The following VPS53 variants were observed in gnomAD, a reference collection of about 807,000 sequenced individuals.
The protein encoded by VPS53 is vacuolar protein sorting-associated protein 53 homolog.
VPS53 carries 70 observed loss-of-function variants against 107.0 expected under a neutral mutation model. That is an observed-to-expected ratio of 0.65 (90% confidence interval 0.54 to 0.80). The LOEUF (loss-of-function observed/expected upper bound fraction) is 0.80, where lower values mean the gene tolerates loss of function less well. Among genes scored for constraint, VPS53 ranks in the 30% least tolerant of loss-of-function variants. The probability of loss-of-function intolerance (pLI) is 0.00; values close to 1 mark genes in which losing one functional copy is unlikely to be tolerated. For missense variants in VPS53, 917 were observed against 1,049.4 expected (o/e 0.87, Z 1.74); for synonymous variants, 409 against 393.3 (o/e 1.04, Z -0.47).
intron 4 of VPS53, chr17:685,243 C>T (rs1316262835): frequency 6.6e-6 from 1 of 152,148 alleles, no homozygotes; most frequent in African/African-American, 2.4e-5. Flanking sequence ...AGCAAAGGCT[C>T]CCTGCAGTGA....
intron 4 of VPS53, among the ~76,000 whole-genome samples, chr17:695,846 C>T (rs1308349150): frequency 1.3e-5 from 2 of 152,222 alleles, no homozygotes; most frequent in African/African-American, 4.8e-5. Context: ...GCCACCATGC[C>T]TGGCCTTGGA....
chr17:655,947 C>A lies in VPS53; in HGVS notation c.379G>T (p.Glu127Ter). ...AATTGCTTAATATCACGGGTGATTTCTTTCACCTAAACATTGAAAAACCAC... is the reference window on the plus strand; with the variant it reads ...AATTGCTTAATATCACGGGTGATTTATTTCACCTAAACATTGAAAAACCAC... ...KAEKSEQMVK[E>*]ITRDIKQLDH... Residue 127 changes from glutamate to a stop codon, truncating the protein, a stop_gained, in exon 6 of 22, where the codon GAA becomes TAA. Coordinates refer to ENST00000437048, the MANE Select transcript of VPS53 (RefSeq NM_001128159.3). LOFTEE classifies it high-confidence loss of function. 1 of 1,613,306 alleles carries A rather than the reference C, an allele frequency of 6.2e-7. No individual in the cohort carries two copies. The highest frequency in any genetic ancestry group is 8.5e-7 in the Non-Finnish European group (1 of 1,179,602).
At chr17:594,455 G>A (rs1350478960) in intron 12 of VPS53, among the ~76,000 whole-genome samples, 1 of 150,378 alleles carries the variant, frequency 6.6e-6, no homozygotes, top group Non-Finnish European at 1.5e-5. Flanking sequence ...ATGCACTCTA[G>A]TGCCCCCCCT....
At chr17:626,353 G>C (rs913588851) in intron 10 of VPS53, among the ~76,000 whole-genome samples, 3 of 152,148 alleles carry the variant, frequency 2.0e-5, no homozygotes, top group Non-Finnish European at 2.9e-5. Flanking sequence ...ATGAACAAAA[G>C]ACGGTCTTTA....
chr17:559,140 T>C (rs904285701), intron 15 of VPS53, among the ~76,000 whole-genome samples: 1 of 152,190 alleles, frequency 6.6e-6, no homozygotes, highest in African/African-American at 2.4e-5. Flanking sequence ...ATGCTAATGC[T>C]ATGTATGACA....
intron 11 of VPS53, among the ~76,000 whole-genome samples, chr17:621,998 G>A (rs1391179809): frequency 2.0e-5 from 3 of 152,132 alleles, no homozygotes; most frequent in African/African-American, 7.2e-5. Context: ...GATCACCTGA[G>A]GTCAGGAGTT....
intron 11 of VPS53, among the ~76,000 whole-genome samples, chr17:617,309 G>C (rs1419873928): frequency 1.3e-5 from 2 of 152,238 alleles, no homozygotes; most frequent in Non-Finnish European, 2.9e-5. Flanking sequence ...CGAGAGGAGA[G>C]CCAGCAAGAG....
chr17:567,251 C>T (rs1913611227), intron 13 of VPS53, among the ~76,000 whole-genome samples: 1 of 152,190 alleles, frequency 6.6e-6, no homozygotes, highest in East Asian at 1.9e-4. Context: ...AAGATCTATA[C>T]TTTGTAGAAT....
Position 688,156 on chromosome 17 carries a change from T to C in VPS53, c.285+9262A>G, listed in dbSNP as rs373245597. 2.6e-5 allele frequency among the ~76,000 whole-genome samples: 4 copies of C among 152,306 alleles called. No homozygotes were observed. In the East Asian group the frequency reaches 7.7e-4, roughly 29 times the overall value. On this transcript the variant is annotated intron_variant, in intron 4 of 21. Coordinates refer to ENST00000437048, the MANE Select transcript of VPS53 (RefSeq NM_001128159.3). ...CGCTATCAAGGTGATATGATTTGGC[T>C]GTGTCCCCACCCAAATCCCTACATG...
At chr17:609,583 C>G (rs1266291858) in intron 11 of VPS53, among the ~76,000 whole-genome samples, 2 of 152,182 alleles carry the variant, frequency 1.3e-5, no homozygotes, top group Non-Finnish European at 2.9e-5. Context: ...TTAGGCATGG[C>G]ACATTAACAC....
chr17:698,255 T>A (rs73283539), intron 3 of VPS53, among the ~76,000 whole-genome samples: 5,646 of 151,534 alleles, frequency 0.037, 148 homozygotes, highest in African/African-American at 0.072. Context: ...CAACACAGTG[T>A]AACCCTGTAA....
Position 509,822 on chromosome 17 carries a change from T to A in VPS53, c.*9306A>T, listed in dbSNP as rs1907835929. 1 of 171,512 alleles carries A rather than the reference T, an allele frequency of 5.8e-6. No homozygotes were observed. Among genetic ancestry groups the A allele is most frequent in the Admixed American group, 6.8e-5 (1 of 14,738 alleles). The allele number at this position is 171,512 out of a possible 1,614,324, so 10.6% of individuals were successfully genotyped here. A position where few individuals can be genotyped will look rare whatever the true frequency, so the allele number is the denominator to read the frequency against. On this transcript the variant is annotated 3_prime_UTR_variant, in exon 22 of 22. Transcript: ENST00000437048. ...CGCCCCTCACTAGCCACATATCAAA[T>A]CCTGACTGGCTAACCCCTCACTAAC...
At chr17:581,579 G>GT in intron 13 of VPS53, among the ~76,000 whole-genome samples, 1 of 131,278 alleles carries the variant, frequency 7.6e-6, no homozygotes, top group South Asian at 2.6e-4. Context: ...CAGAACCTAA[G>GT]GCATTCCCAG....
rs1278294386 is a variant in VPS53, at chr17:661,911, T to A, written c.286-16A>T. 1 of 1,548,688 alleles carries A rather than the reference T, an allele frequency of 6.5e-7. No homozygotes were observed. ...CTTCAAGCGCCTAGAGTAAGGGAAA[T>A]ACATGAAAAACAAAAAGTGGCTAGA... On this transcript the variant is annotated splice_polypyrimidine_tract_variant and intron_variant, in intron 4 of 21. Transcript: ENST00000437048.
In VPS53 at chr17:518,820, G is replaced by C. The variant is rs1487882627; in HGVS notation, c.*308C>G. On this transcript the variant is annotated 3_prime_UTR_variant, in exon 22 of 22. Coordinates refer to ENST00000437048, the MANE Select transcript of VPS53 (RefSeq NM_001128159.3). ...GACGGGTGGGGCCCACGTGTCAAGAGGGTGTGACTGCCATGGGGAGGCTAC... is the reference window on the plus strand; with the variant it reads ...GACGGGTGGGGCCCACGTGTCAAGACGGTGTGACTGCCATGGGGAGGCTAC... 7.5e-6 allele frequency: 2 copies of C among 268,246 alleles called. No individual in the cohort carries two copies. The highest frequency in any genetic ancestry group is 1.4e-5 in the Non-Finnish European group (2 of 144,670). 16.6% of individuals were successfully genotyped at this position (268,246 alleles called of 1,614,324 possible). A position where few individuals can be genotyped will look rare whatever the true frequency, so the allele number is the denominator to read the frequency against.
chr17:546,906 C>T (rs1597277492), intron 17 of VPS53, among the ~76,000 whole-genome samples: 1 of 141,676 alleles, frequency 7.1e-6, no homozygotes, highest in African/African-American at 2.7e-5. Context: ...ACAGAGTCTC[C>T]CTCTGTCACC....
At chr17:656,748 AT>A (rs1184011863) in intron 5 of VPS53, 2 of 846,742 alleles carry the variant, frequency 2.4e-6, no homozygotes, top group East Asian at 2.6e-5. Context: ...ATGCCACATT[AT>A]TTTTAATTAC....
chr17:632,201 T>G (rs391002), intron 7 of VPS53, among the ~76,000 whole-genome samples: 53,014 of 151,926 alleles, frequency 0.35, 11,051 homozygotes, highest in Non-Finnish European at 0.47. Context: ...TGAGCTATGA[T>G]CACACCACAG....
intron 13 of VPS53, among the ~76,000 whole-genome samples, chr17:585,264 T>C (rs1173351975): frequency 6.6e-6 from 1 of 152,222 alleles, no homozygotes; most frequent in African/African-American, 2.4e-5. Flanking sequence ...TATGGTGTTC[T>C]TGCCCAAAAT....
Sources: allele counts gnomAD v4.1 joint callset (sites outside exome capture counted in the v4.1 genomes callset), GRCh38; gene constraint gnomAD v4.1.1; transcripts MANE v1.5; gene names NCBI Gene and HGNC (gene_info 2026-07-23, HGNC 2026-07-21).